Variants in LRRC20 observed in about 807,000 individuals in gnomAD.
LRRC20 encodes the protein leucine rich repeat containing 20.
LRRC20 carries 11 observed loss-of-function variants against 14.4 expected under a neutral mutation model. That is an observed-to-expected ratio of 0.77 (90% CI 0.48 to 1.27). The LOEUF (loss-of-function observed/expected upper bound fraction) is 1.27. LRRC20 is among the 50% of genes most tolerant of loss of function. The pLI is 0.00. For synonymous variants in LRRC20, 121 were observed against 107.3 expected (o/e 1.13, Z -0.79); for missense variants, 219 against 251.2 (o/e 0.87, Z 0.87).
chr10:70,348,495 A>C (rs140266084), intron 2 of LRRC20, among the ~76,000 whole-genome samples: 49 of 152,378 alleles, frequency 3.2e-4, no homozygotes, highest in African/African-American at 1.2e-3. Context: ...TGTGCTATGT[A>C]AGTACGAACT....
intron 4 of LRRC20, among the ~76,000 whole-genome samples, chr10:70,306,506 G>A (rs769691700): frequency 1.3e-5 from 2 of 152,050 alleles, no homozygotes; most frequent in African/African-American, 2.4e-5. Flanking sequence ...GTTTCTTCAC[G>A]ATTCAACCGA....
intron 2 of LRRC20, among the ~76,000 whole-genome samples, chr10:70,347,394 A>G (rs923719091): frequency 2.6e-5 from 4 of 152,126 alleles, no homozygotes; most frequent in African/African-American, 7.2e-5. Flanking sequence ...TTCCAAGGGT[A>G]CTCAAAGCAG....
intron 4 of LRRC20, among the ~76,000 whole-genome samples, chr10:70,301,980 C>T (rs1035480468): frequency 3.9e-5 from 6 of 152,058 alleles, no homozygotes; most frequent in African/African-American, 7.2e-5. Context: ...TTTAAAGGAA[C>T]GCAATTCCGA....
intron 2 of LRRC20, 89 bp from the exon 3 acceptor site, chr10:70,340,791 C>A (rs1184559226): frequency 7.1e-7 from 1 of 1,407,240 alleles, no homozygotes. Flanking sequence ...CACCTCCATG[C>A]CCCCTTCCAG....
chr10:70,304,836 A>G (rs921302412), intron 4 of LRRC20, among the ~76,000 whole-genome samples: 5 of 152,174 alleles, frequency 3.3e-5, no homozygotes, highest in African/African-American at 7.2e-5. Flanking sequence ...AATGTCCTCA[A>G]GGCTCATCCA....
At chr10:70,303,962 A>T (rs1330269432) in intron 4 of LRRC20, among the ~76,000 whole-genome samples, 2 of 152,204 alleles carry the variant, frequency 1.3e-5, no homozygotes, top group African/African-American at 2.4e-5. Context: ...CTCAATGCCA[A>T]TGAATTATAC....
Position 70,300,778 on chromosome 10 carries a change from G to A in LRRC20, c.*576C>T, listed in dbSNP as rs1219716430. ...CCATATTCCCACCACAGCTCTCCCA[G>A]GACTCCTAGTTCAGGTTCCCACCAG... On this transcript the variant is annotated 3_prime_UTR_variant, in exon 5 of 5. Coordinates refer to ENST00000446961, the MANE Select transcript of LRRC20 (RefSeq NM_001278212.2). The A allele has an allele frequency of 1.0e-6, 1 of 985,556 alleles. No homozygotes were observed. The highest frequency in any genetic ancestry group is 1.7e-5 in the African/African-American group (1 of 57,232). The allele number at this position is 985,556 out of a possible 1,614,324, so 61.1% of individuals were successfully genotyped here. A position where few individuals can be genotyped will look rare whatever the true frequency, so the allele number is the denominator to read the frequency against.
At chr10:70,315,374 C>T (rs896421738) in intron 4 of LRRC20, among the ~76,000 whole-genome samples, 28 of 152,156 alleles carry the variant, frequency 1.8e-4, no homozygotes, top group African/African-American at 6.3e-4. Context: ...AATTGCATGC[C>T]ACATTATGGA....
At chr10:70,326,819 AT>A (rs1158912530) in intron 3 of LRRC20, among the ~76,000 whole-genome samples, 3 of 151,978 alleles carry the variant, frequency 2.0e-5, no homozygotes, top group Non-Finnish European at 4.4e-5. Context: ...CGCCTGGCTA[AT>A]TTTTTTGTTG....
intron 4 of LRRC20, among the ~76,000 whole-genome samples, chr10:70,315,929 C>T (rs964847802): frequency 6.6e-6 from 1 of 152,180 alleles, no homozygotes; most frequent in Admixed American, 6.5e-5. Flanking sequence ...AGGCAACAAA[C>T]CCATTATGGT....
At chr10:70,311,553 G>A (rs563139768) in intron 4 of LRRC20, among the ~76,000 whole-genome samples, 3 of 152,190 alleles carry the variant, frequency 2.0e-5, no homozygotes, top group Non-Finnish European at 4.4e-5. Context: ...ATAATGAGAG[G>A]CTTTGAGTCT....
In LRRC20 at chr10:70,323,454, T is replaced by A. The variant is rs188729035; in HGVS notation, c.400+409A>T. ...AGAGAGGCTGTGCTGAACATGGCTG[T>A]CTAGTGGGCCCTGCTCACTCCTGTG... On this transcript the variant is annotated intron_variant, in intron 4 of 4. Transcript: ENST00000446961. 2.6e-5 allele frequency among the ~76,000 whole-genome samples: 4 copies of A among 152,196 alleles called. No individual in the cohort carries two copies. The East Asian group carries it at 7.8e-4, about 30-fold the overall frequency.
At position 70,340,692 on chromosome 10, in the gene LRRC20, C is replaced by T. The variant is rs762917881; in HGVS notation, c.93G>A (p.Glu31=). ...ESGSDTLDLA[E]CKLVSFPIGI... ...CAATGGGAAAGGAGACCAGCTTGCACTCGGCCAGGTCTGCAGCCAAAGAAC... is the reference window on the plus strand; with the variant it reads ...CAATGGGAAAGGAGACCAGCTTGCATTCGGCCAGGTCTGCAGCCAAAGAAC... The change falls in exon 3 of 5, where the codon GAG becomes GAA. Residue 31 remains glutamate (E), a synonymous_variant. Coordinates refer to ENST00000446961, the MANE Select transcript of LRRC20 (RefSeq NM_001278212.2). 9 of 1,614,222 alleles carry T rather than the reference C, an allele frequency of 5.6e-6. No individual in the cohort carries two copies. In the East Asian group the frequency reaches 1.1e-4, roughly 20 times the overall value.
chr10:70,302,305 T>C (rs987653001), intron 4 of LRRC20, among the ~76,000 whole-genome samples: 7 of 151,292 alleles, frequency 4.6e-5, no homozygotes, highest in Non-Finnish European at 8.8e-5. Flanking sequence ...AAAGCAAAGC[T>C]CTGTCTCAAA....
At chr10:70,327,114 G>C (rs184051993) in intron 3 of LRRC20, among the ~76,000 whole-genome samples, 13 of 152,356 alleles carry the variant, frequency 8.5e-5, no homozygotes, top group Non-Finnish European at 1.9e-4. Context: ...GCAGTCTTGG[G>C]GGTCATGGCC....
chr10:70,320,373 A>C (rs1007639235), intron 4 of LRRC20, among the ~76,000 whole-genome samples: 1 of 152,162 alleles, frequency 6.6e-6, no homozygotes. Context: ...AGTAAAACTG[A>C]AATTAAAAGT....
intron 2 of LRRC20, among the ~76,000 whole-genome samples, chr10:70,370,029 T>C (rs1412089378): frequency 1.3e-5 from 2 of 151,962 alleles, no homozygotes; most frequent in Non-Finnish European, 2.9e-5. Flanking sequence ...ATGAGCCAAA[T>C]CTACTACTTG....
intron 4 of LRRC20, 33 bp from the exon 5 acceptor site, chr10:70,301,541 T>C: frequency 1.1e-5 from 17 of 1,604,316 alleles, no homozygotes; most frequent in Non-Finnish European, 1.4e-5. Flanking sequence ...GTTAGAGTGG[T>C]GGAGGCCAAC....
Position 70,359,968 on chromosome 10 carries a change from G to C in LRRC20, c.82+16484C>G, listed in dbSNP as rs374777951. Among the ~76,000 whole-genome samples, 12 of 149,910 alleles carry C rather than the reference G, an allele frequency of 8.0e-5. No homozygotes were observed. In the East Asian group the frequency reaches 9.8e-4, roughly 12 times the overall value. The stretch of plus-strand genomic sequence containing the variant: ...GTCTCCCTCTGTTGCCCAGGCTGGA[G>C]TGCAGTGGCGTGATCTCGGCTCACT... On this transcript the variant is annotated intron_variant, in intron 2 of 4. Transcript: ENST00000446961.
Sources: gnomAD v4.1 joint callset for allele counts (sites outside exome capture counted in the v4.1 genomes callset) on GRCh38, gnomAD v4.1.1 for gene constraint, MANE v1.5 for transcripts, NCBI Gene and HGNC (gene_info 2026-07-23, HGNC 2026-07-21) for gene names.